The following PDE7B variants were observed in gnomAD, a reference collection of about 807,000 sequenced individuals.
PDE7B encodes 3',5'-cyclic-AMP phosphodiesterase 7B.
Under a neutral mutation model 56.2 loss-of-function variants are expected in PDE7B, and 29 were observed. That is an observed-to-expected ratio of 0.52 (90% CI 0.38 to 0.70). PDE7B has a LOEUF of 0.70. PDE7B is among the 30% of genes least tolerant of loss of function. The pLI is 0.00. For missense variants in PDE7B, 490 were observed against 565.0 expected, an observed-to-expected ratio of 0.87 and a Z score of 1.35; for synonymous variants, 197 against 196.9, an observed-to-expected ratio of 1.00 and a Z score of 0.00.
chr6:136,127,126 C>T lies in PDE7B; in HGVS notation c.166+18312C>T, dbSNP rs73565070. Among the ~76,000 whole-genome samples, 1,177 of 152,164 alleles carry T rather than the reference C, an allele frequency of 7.7e-3. 13 individuals are homozygous for T. The highest frequency in any genetic ancestry group is 0.026 in the African/African-American group (1,087 of 41,512). ...AGATCATTATAAACAGGCTTTTCAC[C>T]CATATGAATACCTGACCAGCCATTG... On this transcript the variant is annotated intron_variant, in intron 3 of 12. Transcript: ENST00000308191.
At chr6:135,968,921 T>A (rs1395623948) in intron 2 of PDE7B, among the ~76,000 whole-genome samples, 2 of 151,970 alleles carry the variant, frequency 1.3e-5, no homozygotes, top group African/African-American at 4.8e-5. Context: ...ATAAAGAAAA[T>A]GTGGTACATA....
At chr6:135,862,331 G>A (rs1775166183) in intron 1 of PDE7B, among the ~76,000 whole-genome samples, 6 of 151,620 alleles carry the variant, frequency 4.0e-5, no homozygotes, top group Admixed American at 3.3e-4. Context: ...ATAGGTGATT[G>A]ATTTTATAAT....
At chr6:135,859,900 G>A (rs563439738) in intron 1 of PDE7B, among the ~76,000 whole-genome samples, 1 of 151,954 alleles carries the variant, frequency 6.6e-6, no homozygotes, top group East Asian at 1.9e-4. Context: ...CTTATTTTGT[G>A]TGAAAGGAGA....
At chr6:135,922,576 G>A (rs1774104299) in intron 1 of PDE7B, among the ~76,000 whole-genome samples, 1 of 152,112 alleles carries the variant, frequency 6.6e-6, no homozygotes. Context: ...GAGATACATG[G>A]CATTTTTCAT....
intron 1 of PDE7B, among the ~76,000 whole-genome samples, chr6:135,854,394 G>C (rs952375982): frequency 6.6e-5 from 10 of 152,088 alleles, no homozygotes; most frequent in Non-Finnish European, 1.2e-4. Context: ...CACATTGTTG[G>C]GGTACATAAT....
At chr6:136,169,942 A>G (rs1023466751) in intron 8 of PDE7B, among the ~76,000 whole-genome samples, 1 of 152,208 alleles carries the variant, frequency 6.6e-6, no homozygotes, top group African/African-American at 2.4e-5. Flanking sequence ...ATGAATAGCA[A>G]TAGGACAGAC....
intron 1 of PDE7B, among the ~76,000 whole-genome samples, chr6:135,935,744 T>C (rs1242260594): frequency 6.6e-6 from 1 of 152,196 alleles, no homozygotes; most frequent in Non-Finnish European, 1.5e-5. Flanking sequence ...ACACATAATT[T>C]CATTTTCACT....
chr6:136,168,094 G>C (rs890777893), intron 8 of PDE7B, among the ~76,000 whole-genome samples: 3 of 152,160 alleles, frequency 2.0e-5, no homozygotes, highest in African/African-American at 7.2e-5. Flanking sequence ...GGTGTTTGCA[G>C]ATAATAAACC....
chr6:135,875,332 A>G (rs7764457), intron 1 of PDE7B, among the ~76,000 whole-genome samples: 17,778 of 151,768 alleles, frequency 0.12, 2,904 homozygotes, highest in African/African-American at 0.37. Context: ...ATTTTCTCTT[A>G]TTGGTTTAGA....
chr6:135,912,290 G>T (rs1411761685), intron 1 of PDE7B, among the ~76,000 whole-genome samples: 1 of 151,926 alleles, frequency 6.6e-6, no homozygotes, highest in African/African-American at 2.4e-5. Context: ...AGAAAAAAAT[G>T]AAAAATACAA....
chr6:136,056,913 C>T (rs1352766103), intron 2 of PDE7B, among the ~76,000 whole-genome samples: 1 of 152,042 alleles, frequency 6.6e-6, no homozygotes, highest in African/African-American at 2.4e-5. Flanking sequence ...CTTCTATTTC[C>T]CTAAGCCCCT....
At chr6:135,925,401 C>T (rs1774166643) in intron 1 of PDE7B, among the ~76,000 whole-genome samples, 1 of 152,164 alleles carries the variant, frequency 6.6e-6, no homozygotes, top group Non-Finnish European at 1.5e-5. Context: ...AAATTTATTT[C>T]ATTGCTGACA....
chr6:135,955,216 C>G (rs75752821), intron 2 of PDE7B, among the ~76,000 whole-genome samples: 1 of 151,886 alleles, frequency 6.6e-6, no homozygotes, highest in Admixed American at 6.6e-5. Context: ...GACACAGGGA[C>G]GACCACACAA....
At position 135,923,147 on chromosome 6, in the gene PDE7B, G is replaced by A. The variant is rs531741071; in HGVS notation, c.22-24317G>A. Among the ~76,000 whole-genome samples, 5 of 152,252 alleles carry A rather than the reference G, an allele frequency of 3.3e-5. No homozygotes were observed. The South Asian group carries it at 6.2e-4, about 19-fold the overall frequency. ...AGAAAGAAGCTGAAGTAGCCAACAC[G>A]ATCTATGTAGTCTACTTTATGTCCC... On this transcript the variant is annotated intron_variant, in intron 1 of 12. Transcript: ENST00000308191.
At chr6:135,963,755 G>A (rs1364573250) in intron 2 of PDE7B, among the ~76,000 whole-genome samples, 1 of 152,102 alleles carries the variant, frequency 6.6e-6, no homozygotes, top group Non-Finnish European at 1.5e-5. Context: ...CTCATCCTTA[G>A]AACACTTCCC....
At chr6:136,036,292 A>C (rs978797237) in intron 2 of PDE7B, among the ~76,000 whole-genome samples, 9 of 152,216 alleles carry the variant, frequency 5.9e-5, no homozygotes, top group African/African-American at 2.2e-4. Context: ...ACCGCTGATT[A>C]TTCCCTAATT....
At chr6:135,906,309 C>T (rs911234504) in intron 1 of PDE7B, among the ~76,000 whole-genome samples, 8 of 152,168 alleles carry the variant, frequency 5.3e-5, no homozygotes, top group African/African-American at 1.7e-4. Flanking sequence ...GTTTCAGATT[C>T]TTTACAAAAC....
At chr6:136,158,097 A>G (rs969604073) in intron 8 of PDE7B, among the ~76,000 whole-genome samples, 1 of 152,208 alleles carries the variant, frequency 6.6e-6, no homozygotes, top group Admixed American at 6.5e-5. Context: ...ATCACGTTAC[A>G]TAATATATAA....
chr6:135,930,380 A>G (rs950475848), intron 1 of PDE7B, among the ~76,000 whole-genome samples: 17 of 152,190 alleles, frequency 1.1e-4, no homozygotes, highest in African/African-American at 3.9e-4. Context: ...GAGCCAAACT[A>G]TATCACCATG....
Sources: gnomAD v4.1 joint callset for allele counts (sites outside exome capture counted in the v4.1 genomes callset) on GRCh38, gnomAD v4.1.1 for gene constraint, MANE v1.5 for transcripts, NCBI Gene and HGNC (gene_info 2026-07-23, HGNC 2026-07-21) for gene names.